The following GRIK2 variants were observed in gnomAD, a reference collection of about 807,000 sequenced individuals.
GRIK2 encodes glutamate receptor ionotropic, kainate 2.
In GRIK2, 32 loss-of-function variants were observed where a neutral mutation model predicts 100.3. The ratio of observed to expected loss-of-function variants is 0.32; its 90% confidence interval spans 0.24 to 0.43. The LOEUF (loss-of-function observed/expected upper bound fraction) is 0.43. Ranked by LOEUF, GRIK2 falls within the 20% of genes least tolerant of loss-of-function variation. The pLI, the probability that GRIK2 is intolerant of heterozygous loss-of-function variation, is 1.00. For missense variants in GRIK2, 843 were observed against 1,114.9 expected (o/e 0.76, Z 3.47); for synonymous variants, 417 against 389.4 (o/e 1.07, Z -0.83).
chr6:101,622,153 A>C lies in GRIK2; in HGVS notation c.283+37A>C, dbSNP rs1252371200. 4 of 1,307,916 alleles carry C rather than the reference A, an allele frequency of 3.1e-6. No individual in the cohort carries two copies. In the South Asian group the frequency reaches 5.2e-5, roughly 17 times the overall value. 81.0% of individuals were successfully genotyped at this position (1,307,916 alleles called of 1,614,324 possible). A position where few individuals can be genotyped will look rare whatever the true frequency, so the allele number is the denominator to read the frequency against. ...ATTTTTAACATCTTTGTTTCCTGGA[A>C]TTCAAATTTCTAGGTATTCTTAAGA... On this transcript the variant is annotated intron_variant, in intron 3 of 16. Transcript: ENST00000369134.
intron 2 of GRIK2, among the ~76,000 whole-genome samples, chr6:101,471,357 C>T (rs995348516): frequency 8.6e-5 from 13 of 151,970 alleles, no homozygotes; most frequent in Admixed American, 2.6e-4. Flanking sequence ...GATCAATGTT[C>T]GTCACGTGCC....
intron 10 of GRIK2, among the ~76,000 whole-genome samples, chr6:101,833,863 T>A (rs891579808): frequency 2.6e-5 from 4 of 152,140 alleles, no homozygotes; most frequent in African/African-American, 7.2e-5. Context: ...TGCTAGTTTC[T>A]TATATCAGGG....
At chr6:101,635,449 AG>A (rs1364653557) in intron 4 of GRIK2, among the ~76,000 whole-genome samples, 1 of 152,132 alleles carries the variant, frequency 6.6e-6, no homozygotes, top group East Asian at 1.9e-4. Context: ...GCATGGGCAA[AG>A]ATTTCATGAC....
chr6:101,652,174 T>C (rs144269298), intron 4 of GRIK2, among the ~76,000 whole-genome samples: 1 of 152,270 alleles, frequency 6.6e-6, no homozygotes, highest in Admixed American at 6.5e-5. Flanking sequence ...ACCAGATGTT[T>C]GTGTTCCCCC....
At chr6:102,032,461 G>C (rs925076333) in intron 14 of GRIK2, among the ~76,000 whole-genome samples, 12 of 151,164 alleles carry the variant, frequency 7.9e-5, no homozygotes, top group African/African-American at 2.9e-4. Flanking sequence ...AGGTCAGAAG[G>C]AGCCTGCCTA....
intron 14 of GRIK2, among the ~76,000 whole-genome samples, chr6:102,002,152 A>G (rs1260395098): frequency 3.3e-5 from 5 of 150,654 alleles, no homozygotes; most frequent in African/African-American, 9.7e-5. Context: ...TTTATATGAT[A>G]CTAGCCCTAT....
At chr6:101,547,622 A>G (rs1476395970) in intron 2 of GRIK2, among the ~76,000 whole-genome samples, 1 of 152,166 alleles carries the variant, frequency 6.6e-6, no homozygotes, top group Non-Finnish European at 1.5e-5. Context: ...TTAAAGCTTC[A>G]TCTATGTCCC....
At chr6:101,403,715 A>G (rs889719506) in intron 2 of GRIK2, among the ~76,000 whole-genome samples, 3 of 149,876 alleles carry the variant, frequency 2.0e-5, no homozygotes, top group African/African-American at 7.3e-5. Context: ...CTCCTTTGAG[A>G]GGTGAGGTGG....
At chr6:101,641,133 A>T (rs1781260250) in intron 4 of GRIK2, among the ~76,000 whole-genome samples, 2 of 152,118 alleles carry the variant, frequency 1.3e-5, no homozygotes, top group South Asian at 4.1e-4. Flanking sequence ...AAAAATTGTG[A>T]AGTATAAATT....
chr6:101,827,411 G>A (rs1782403333), intron 10 of GRIK2, among the ~76,000 whole-genome samples: 1 of 151,742 alleles, frequency 6.6e-6, no homozygotes, highest in Admixed American at 6.6e-5. Context: ...TAGGGTTATT[G>A]CTCTATAAGC....
chr6:101,581,809 G>A (rs779099088), intron 2 of GRIK2, among the ~76,000 whole-genome samples: 1 of 152,052 alleles, frequency 6.6e-6, no homozygotes, highest in Non-Finnish European at 1.5e-5. Flanking sequence ...AAAATACTAA[G>A]GGGAAATAAG....
At chr6:101,907,611 C>G (rs1213330930) in intron 12 of GRIK2, among the ~76,000 whole-genome samples, 1 of 151,622 alleles carries the variant, frequency 6.6e-6, no homozygotes, top group African/African-American at 2.4e-5. Flanking sequence ...AAGTTTAAGT[C>G]TTGAGCATGC....
chr6:101,961,238 C>T (rs1792278205), intron 14 of GRIK2, among the ~76,000 whole-genome samples: 2 of 152,134 alleles, frequency 1.3e-5, no homozygotes, highest in Admixed American at 6.5e-5. Flanking sequence ...TAGCTACCAA[C>T]AAAATGACCT....
At chr6:102,013,740 T>G (rs953935448) in intron 14 of GRIK2, among the ~76,000 whole-genome samples, 2 of 152,154 alleles carry the variant, frequency 1.3e-5, no homozygotes, top group Non-Finnish European at 2.9e-5. Context: ...ATTAGTTGAT[T>G]TGTGTATGCT....
In GRIK2 at chr6:101,924,733, C is replaced by T. The variant is rs1562490492; in HGVS notation, c.1867+14C>T. ...TCATGCAGCAAGGTATACGATTCAGCCTGCTATTTCCTTTGGGCACCATGT... is the reference window on the plus strand; with the variant it reads ...TCATGCAGCAAGGTATACGATTCAGTCTGCTATTTCCTTTGGGCACCATGT... On this transcript the variant is annotated intron_variant, in intron 13 of 16. Transcript: ENST00000369134. 4.8e-6 allele frequency: 7 copies of T among 1,457,250 alleles called. No individual in the cohort carries two copies. In the Admixed American group the frequency reaches 1.2e-4, roughly 24 times the overall value. 90.3% of individuals were successfully genotyped at this position (1,457,250 alleles called of 1,614,324 possible). A position where few individuals can be genotyped will look rare whatever the true frequency, so the allele number is the denominator to read the frequency against.
chr6:101,612,716 A>ATGTG (rs139709674), intron 2 of GRIK2, among the ~76,000 whole-genome samples: 16,930 of 143,312 alleles, frequency 0.12, 1,096 homozygotes, highest in Admixed American at 0.16. Context: ...GTATGTGTTA[A>ATGTG]TGTGTGTGTG....
At chr6:101,596,932 A>C (rs187992172) in intron 2 of GRIK2, among the ~76,000 whole-genome samples, 30 of 152,026 alleles carry the variant, frequency 2.0e-4, no homozygotes, top group Admixed American at 3.3e-4. Flanking sequence ...AAAAAGACAC[A>C]TGCACTTATA....
chr6:101,876,195 T>A (rs1785827859), intron 11 of GRIK2, among the ~76,000 whole-genome samples: 1 of 151,856 alleles, frequency 6.6e-6, no homozygotes, highest in Non-Finnish European at 1.5e-5. Context: ...CACGAAATTG[T>A]CATTTTTGTA....
intron 12 of GRIK2, among the ~76,000 whole-genome samples, chr6:101,911,924 T>C (rs1368319598): frequency 1.3e-5 from 2 of 151,460 alleles, no homozygotes; most frequent in Non-Finnish European, 3.0e-5. Flanking sequence ...CTTAAGTAAT[T>C]ACCCTTGTAA....
Sources: gnomAD v4.1 joint callset for allele counts (sites outside exome capture counted in the v4.1 genomes callset) on GRCh38, gnomAD v4.1.1 for gene constraint, MANE v1.5 for transcripts, NCBI Gene and HGNC (gene_info 2026-07-23, HGNC 2026-07-21) for gene names.